The following ENTHD1 variants were observed in gnomAD, a reference collection of about 807,000 sequenced individuals.
ENTHD1 encodes ENTH domain-containing protein 1.
ENTHD1 carries 23 observed loss-of-function variants against 39.1 expected under a neutral mutation model. The ratio of observed to expected loss-of-function variants is 0.59; its 90% CI spans 0.42 to 0.83. ENTHD1 has a LOEUF of 0.83. ENTHD1 is among the 40% of genes least tolerant of loss of function. ENTHD1 has a pLI of 0.00. For synonymous variants in ENTHD1, 230 were observed against 258.2 expected (o/e 0.89, Z 1.05); for missense variants, 624 against 705.4 (o/e 0.88, Z 1.31).
At position 39,766,019 on chromosome 22, in the gene ENTHD1, CAAAAAAAA is replaced by C. The variant is rs11367784; in HGVS notation, c.833-418_833-411del. ...TCTATCCTTACAGAACCCTCAGCTACAAAAAAAAAAAAAAAAAAAAAAAAAAAAAAGAA... is the reference window on the plus strand; with the variant it reads ...TCTATCCTTACAGAACCCTCAGCTACAAAAAAAAAAAAAAAAAAAAAAGAA... On this transcript the variant is annotated intron_variant, in intron 5 of 6. Transcript: ENST00000325157. Among the ~76,000 whole-genome samples, 73 of 48,354 alleles carry C rather than the reference CAAAAAAAA, an allele frequency of 1.5e-3. No homozygotes were observed. The South Asian group carries it at 0.02, about 13-fold the overall frequency. 31.7% of individuals were successfully genotyped at this position (48,354 alleles called of 152,430 possible).
rs1357992472 is a variant in ENTHD1 at position 39,743,974 on chromosome 22, C to G, written c.1529G>C (p.Ser510Thr). The G allele has an allele frequency of 6.2e-7, 1 of 1,614,142 alleles. No homozygotes were observed. Among genetic ancestry groups the G allele is most frequent in the Non-Finnish European group, 8.5e-7 (1 of 1,180,016 alleles). ...GGTGGAAAACTCCCCCCAGTGACTA[C>G]TAGAAATGTGACTTATATTCTTTTT... is the stretch of plus-strand genomic sequence containing the variant. Reference protein sequence around the residue: ...SAKKNISHISSSHWGEFSTQN... With the variant: ...SAKKNISHISTSHWGEFSTQN... The change falls in exon 7 of 7, where the codon AGT becomes ACT. Residue 510 changes from serine to threonine, a missense_variant. Physicochemically the swap from Ser to Thr is moderately conservative, Grantham distance 58. Coordinates refer to ENST00000325157, the MANE Select transcript of ENTHD1 (RefSeq NM_152512.4).
At chr22:39,754,447 T>A (rs1457849821) in intron 6 of ENTHD1, among the ~76,000 whole-genome samples, 1 of 152,150 alleles carries the variant, frequency 6.6e-6, no homozygotes, top group Non-Finnish European at 1.5e-5. Flanking sequence ...ACCTAAGCGT[T>A]CTCTTCATGG....
intron 5 of ENTHD1, among the ~76,000 whole-genome samples, chr22:39,805,870 A>C (rs1008435832): frequency 1.3e-5 from 2 of 152,132 alleles, no homozygotes; most frequent in Non-Finnish European, 2.9e-5. Context: ...TCATGGCTTG[A>C]AAATATTGTG....
chr22:39,821,249 C>T (rs1286281409), intron 4 of ENTHD1, 136 bp from the exon 5 acceptor site: 8 of 1,117,706 alleles, frequency 7.2e-6, no homozygotes, highest in Non-Finnish European at 5.0e-6. Flanking sequence ...CTCAAACATA[C>T]ATCTATCACT....
intron 4 of ENTHD1, among the ~76,000 whole-genome samples, chr22:39,821,841 CAGA>C (rs1334838966): frequency 6.6e-6 from 1 of 152,180 alleles, no homozygotes; most frequent in African/African-American, 2.4e-5. Context: ...CCTCTCATGG[CAGA>C]AGGTGACCAA....
chr22:39,845,687 A>G, intron 3 of ENTHD1, among the ~76,000 whole-genome samples: 1 of 152,202 alleles, frequency 6.6e-6, no homozygotes, highest in East Asian at 1.9e-4. Flanking sequence ...CATAATACAA[A>G]GCTAAGCATT....
chr22:39,868,099 GA>G lies in ENTHD1; in HGVS notation c.350-6093del, dbSNP rs774838989. ...GAGAAGCCTGGGAAGAAAAGGAGAAGAAAAAAAAAAAATAGCCATCAACTGC... is the reference window on the plus strand; with the variant it reads ...GAGAAGCCTGGGAAGAAAAGGAGAAGAAAAAAAAAAATAGCCATCAACTGC... On this transcript the variant is annotated intron_variant, in intron 2 of 6. Coordinates refer to ENST00000325157, the MANE Select transcript of ENTHD1 (RefSeq NM_152512.4). Among the ~76,000 whole-genome samples, 559 of 140,414 alleles carry G rather than the reference GA, an allele frequency of 4.0e-3. 2 individuals are homozygous for G. Among genetic ancestry groups the G allele is most frequent in the African/African-American group, 9.2e-3 (355 of 38,404 alleles). The allele number at this position is 140,414 out of a possible 152,430, so 92.1% of individuals were successfully genotyped here. A position where few individuals can be genotyped will look rare whatever the true frequency, so the allele number is the denominator to read the frequency against.
intron 6 of ENTHD1, among the ~76,000 whole-genome samples, chr22:39,758,859 C>T (rs2146545777): frequency 6.6e-6 from 1 of 152,244 alleles, no homozygotes; most frequent in Non-Finnish European, 1.5e-5. Context: ...CTGCATGAAT[C>T]AAGATAATTT....
At chr22:39,772,086 G>A (rs905469430) in intron 5 of ENTHD1, among the ~76,000 whole-genome samples, 2 of 152,174 alleles carry the variant, frequency 1.3e-5, no homozygotes, top group African/African-American at 4.8e-5. Flanking sequence ...TGGCACCAGG[G>A]ACTGGTTTTG....
chr22:39,803,041 A>G (rs1215578831), intron 5 of ENTHD1, among the ~76,000 whole-genome samples: 1 of 151,956 alleles, frequency 6.6e-6, no homozygotes, highest in Non-Finnish European at 1.5e-5. Flanking sequence ...ATCCTCCCCA[A>G]TTTGTGTTTA....
At chr22:39,810,565 T>C (rs1301307359) in intron 5 of ENTHD1, among the ~76,000 whole-genome samples, 1 of 152,188 alleles carries the variant, frequency 6.6e-6, no homozygotes, top group Non-Finnish European at 1.5e-5. Flanking sequence ...CTGGGGAAAT[T>C]ACAGAAATTA....
chr22:39,805,463 G>A (rs1423604210), intron 5 of ENTHD1, among the ~76,000 whole-genome samples: 1 of 152,214 alleles, frequency 6.6e-6, no homozygotes, highest in Non-Finnish European at 1.5e-5. Flanking sequence ...TGGGGACATG[G>A]AAGATGCAGA....
At chr22:39,787,620 A>G (rs1172150478) in intron 5 of ENTHD1, among the ~76,000 whole-genome samples, 1 of 152,204 alleles carries the variant, frequency 6.6e-6, no homozygotes, top group Non-Finnish European at 1.5e-5. Flanking sequence ...ACCAGCCCCA[A>G]CATTCCCTTA....
intron 5 of ENTHD1, among the ~76,000 whole-genome samples, chr22:39,776,784 A>C (rs1031738876): frequency 2.0e-5 from 3 of 152,230 alleles, no homozygotes; most frequent in Non-Finnish European, 4.4e-5. Flanking sequence ...TGACGATGAA[A>C]TCTGTTGAAA....
chr22:39,803,040 A>G (rs958276084), intron 5 of ENTHD1, among the ~76,000 whole-genome samples: 2 of 152,018 alleles, frequency 1.3e-5, no homozygotes, highest in African/African-American at 4.8e-5. Flanking sequence ...TATCCTCCCC[A>G]ATTTGTGTTT....
chr22:39,848,052 G>C (rs971347559), intron 3 of ENTHD1, among the ~76,000 whole-genome samples: 1 of 152,102 alleles, frequency 6.6e-6, no homozygotes, highest in African/African-American at 2.4e-5. Flanking sequence ...TCTGCTCCTT[G>C]CAACTGTGGG....
At chr22:39,828,768 A>G (rs1018941435) in intron 4 of ENTHD1, among the ~76,000 whole-genome samples, 1 of 152,224 alleles carries the variant, frequency 6.6e-6, no homozygotes, top group African/African-American at 2.4e-5. Flanking sequence ...AGCCTTATTC[A>G]TTAGCAAATC....
At chr22:39,802,634 A>G (rs1451108399) in intron 5 of ENTHD1, among the ~76,000 whole-genome samples, 2 of 152,222 alleles carry the variant, frequency 1.3e-5, no homozygotes, top group African/African-American at 2.4e-5. Context: ...TCTAGTTGCT[A>G]TGGCCTGCCT....
At chr22:39,823,919 C>T (rs763021877) in intron 4 of ENTHD1, among the ~76,000 whole-genome samples, 4 of 152,128 alleles carry the variant, frequency 2.6e-5, no homozygotes, top group Admixed American at 6.5e-5. Flanking sequence ...AACAACTTTT[C>T]GTGCGCTTAC....
Sources: allele counts gnomAD v4.1 joint callset (sites outside exome capture counted in the v4.1 genomes callset), GRCh38; gene constraint gnomAD v4.1.1; transcripts MANE v1.5; gene names NCBI Gene and HGNC (gene_info 2026-07-23, HGNC 2026-07-21).